Variants in SEZ6 observed in about 807,000 individuals in gnomAD.
The protein encoded by SEZ6 is seizure protein 6 homolog.
SEZ6 carries 53 observed loss-of-function variants against 101.0 expected under a neutral mutation model. That is an observed-to-expected ratio of 0.52 (90% CI 0.42 to 0.66). The LOEUF is 0.66. Ranked by LOEUF, SEZ6 falls within the 30% of genes least tolerant of loss-of-function variation. SEZ6 has a pLI of 0.00. For synonymous variants in SEZ6, 488 were observed against 512.2 expected (o/e 0.95, Z 0.64); for missense variants, 1,102 against 1,289.4 (o/e 0.85, Z 2.23).
chr17:28,959,588 A>C lies in SEZ6; in HGVS notation c.1771+110T>G, dbSNP rs1298318876. ...GACCCCCCACCTCCTCCTTGGAGGA[A>C]GCCTGAACCACGCATATCACAGGGC... On this transcript the variant is annotated intron_variant, in intron 8 of 16. Transcript: ENST00000317338. This position sits in a 1 kb window ranked among gnomAD's most constrained non-coding sequence, Gnocchi z 4.4. The C allele has an allele frequency of 5.8e-6, 9 of 1,540,188 alleles. No homozygotes were observed. Among genetic ancestry groups the C allele is most frequent in the Non-Finnish European group, 7.9e-6 (9 of 1,142,554 alleles).
intron 14 of SEZ6, 104 bp from the exon 15 acceptor site, chr17:28,956,571 G>A (rs981025065): frequency 1.4e-5 from 20 of 1,470,682 alleles, no homozygotes; most frequent in Non-Finnish European, 2.8e-6. Context: ...CCCTCTAGCT[G>A]GCTGGGTGTA....
chr17:28,955,546 A>G lies in SEZ6; in HGVS notation c.*416T>C. 2.2e-6 allele frequency: 1 copy of G among 446,328 alleles called. No homozygotes were observed. The highest frequency in any genetic ancestry group is 1.6e-5 in the South Asian group (1 of 61,890). 27.6% of individuals were successfully genotyped at this position (446,328 alleles called of 1,614,324 possible). A position where few individuals can be genotyped will look rare whatever the true frequency, so the allele number is the denominator to read the frequency against. On this transcript the variant is annotated 3_prime_UTR_variant, in exon 17 of 17. Transcript: ENST00000317338. ...GGCGCTGTGAGGAGTACCCTGGTGCAGTTCCCACCATGGTCAAGTTAATCC... is the reference window on the plus strand; with the variant it reads ...GGCGCTGTGAGGAGTACCCTGGTGCGGTTCCCACCATGGTCAAGTTAATCC...
chr17:28,973,720 G>A (rs1041434074), intron 3 of SEZ6, among the ~76,000 whole-genome samples: 11 of 152,224 alleles, frequency 7.2e-5, no homozygotes, highest in Non-Finnish European at 1.5e-4. Context: ...GCCAGACAGG[G>A]CTGGGTGTCG....
intron 10 of SEZ6, 33 bp from the exon 11 acceptor site, chr17:28,958,174 C>T (rs577479358): frequency 3.2e-5 from 50 of 1,559,876 alleles, no homozygotes; most frequent in Admixed American, 8.7e-5. Flanking sequence ...TGCAGGCCCT[C>T]GGCCAGCACC....
chr17:28,989,720 A>C (rs1486862964), intron 1 of SEZ6, among the ~76,000 whole-genome samples: 1 of 152,140 alleles, frequency 6.6e-6, no homozygotes, highest in Non-Finnish European at 1.5e-5. Flanking sequence ...GGAGAAATTT[A>C]GTTTATAGTT....
At chr17:28,969,441 C>G (rs1404617598) in intron 4 of SEZ6, among the ~76,000 whole-genome samples, 1 of 152,134 alleles carries the variant, frequency 6.6e-6, no homozygotes, top group African/African-American at 2.4e-5. Flanking sequence ...CCAGCACAAG[C>G]CTGGCAAAGA....
intron 11 of SEZ6, 23 bp downstream of exon 11, chr17:28,957,924 G>A (rs1222857510): frequency 6.3e-7 from 1 of 1,599,614 alleles, no homozygotes; most frequent in East Asian, 2.2e-5. Context: ...GGGAAGGGGA[G>A]CGTGGGGAAC....
intron 4 of SEZ6, among the ~76,000 whole-genome samples, chr17:28,969,543 T>C (rs2041119480): frequency 6.6e-6 from 1 of 152,180 alleles, no homozygotes; most frequent in Non-Finnish European, 1.5e-5. Context: ...ACCAGCTCTC[T>C]GCAGGGTGGT....
In SEZ6 at chr17:28,959,454, A is replaced by T; in HGVS notation, c.1790T>A (p.Ile597Asn). ...PACRAVCSGEITDSAGVVLSP... is the reference protein window; with the variant it reads ...PACRAVCSGENTDSAGVVLSP... ...GAGTACCACGCCAGCCGAGTCTGTG[A>T]TCTCCCCGCTGCACACGGCTGGAAG... Residue 597 changes from isoleucine (I) to asparagine (N), a missense_variant, in exon 9 of 17, where the codon ATC (isoleucine) becomes AAC (asparagine). Ile to Asn is a moderately radical substitution (Grantham distance 149). This residue lies in a region of SEZ6 where 556 missense variants were observed against 735.1 expected (regional missense o/e 0.76). Transcript: ENST00000317338. This position sits in a 1 kb window ranked among gnomAD's most constrained non-coding sequence, Gnocchi z 4.4. The T allele has an allele frequency of 6.2e-7, 1 of 1,613,490 alleles. No individual in the cohort carries two copies. Among genetic ancestry groups the T allele is most frequent in the Non-Finnish European group, 8.5e-7 (1 of 1,179,850 alleles).
intron 4 of SEZ6, among the ~76,000 whole-genome samples, chr17:28,964,392 C>G (rs1310440952): frequency 6.6e-6 from 1 of 152,158 alleles, no homozygotes; most frequent in Non-Finnish European, 1.5e-5. Context: ...CTGGCTCAAG[C>G]TTTATGACAC....
intron 3 of SEZ6, among the ~76,000 whole-genome samples, chr17:28,971,541 C>T (rs1235478458): frequency 6.6e-6 from 1 of 151,706 alleles, no homozygotes; most frequent in African/African-American, 2.4e-5. Context: ...TGCGGTGAGC[C>T]GAGATCGCGC....
chr17:29,002,991 G>T (rs531620426), intron 1 of SEZ6, among the ~76,000 whole-genome samples: 2 of 152,216 alleles, frequency 1.3e-5, no homozygotes, highest in South Asian at 2.1e-4. Context: ...GCTCAGAGAG[G>T]TGGAGCAGCA....
rs1447470542 is a variant in SEZ6 at position 28,955,840 on chromosome 17, A to G, written c.*122T>C. The G allele has an allele frequency of 1.2e-5, 14 of 1,122,906 alleles. No homozygotes were observed. Among genetic ancestry groups the G allele is most frequent in the Non-Finnish European group, 1.7e-5 (13 of 756,802 alleles). The allele number at this position is 1,122,906 out of a possible 1,614,324, so 69.6% of individuals were successfully genotyped here. A position where few individuals can be genotyped will look rare whatever the true frequency, so the allele number is the denominator to read the frequency against. ...CACAACTTCTTGAGGGCTTGGTGGC[A>G]TCTCCTCCTAGGTGGTATATACAGG... is the stretch of plus-strand genomic sequence containing the variant. On this transcript the variant is annotated 3_prime_UTR_variant, in exon 17 of 17. Coordinates refer to ENST00000317338, the MANE Select transcript of SEZ6 (RefSeq NM_178860.5).
At chr17:28,964,785 G>A (rs376948602) in intron 4 of SEZ6, among the ~76,000 whole-genome samples, 10 of 152,330 alleles carry the variant, frequency 6.6e-5, no homozygotes, top group African/African-American at 2.2e-4. Context: ...TGGCCGGGCC[G>A]GTGTCTCATG....
intron 3 of SEZ6, among the ~76,000 whole-genome samples, chr17:28,974,184 C>T (rs754185773): frequency 6.6e-6 from 1 of 152,172 alleles, no homozygotes; most frequent in Non-Finnish European, 1.5e-5. Flanking sequence ...CAGTACAACC[C>T]GGCATAGGCA....
At chr17:28,957,861 A>G in intron 11 of SEZ6, 86 bp downstream of exon 11, 1 of 1,438,040 alleles carries the variant, frequency 7.0e-7, no homozygotes, top group Non-Finnish European at 9.5e-7. Flanking sequence ...ATACTAGCTA[A>G]TAACAGCTAC....
At chr17:28,986,504 G>A (rs1352486962) in intron 1 of SEZ6, among the ~76,000 whole-genome samples, 1 of 152,212 alleles carries the variant, frequency 6.6e-6, no homozygotes, top group Admixed American at 6.5e-5. Context: ...AGGTGTTATG[G>A]CCTCTGTCTT....
chr17:28,960,055 A>T (rs2040951294), intron 7 of SEZ6, among the ~76,000 whole-genome samples, 163 bp from the exon 8 acceptor site: 1 of 152,162 alleles, frequency 6.6e-6, no homozygotes, highest in Non-Finnish European at 1.5e-5. Context: ...GGGACAGCCA[A>T]GAGCATCCAT....
At chr17:28,991,791 A>G (rs2041463844) in intron 1 of SEZ6, among the ~76,000 whole-genome samples, 1 of 152,066 alleles carries the variant, frequency 6.6e-6, no homozygotes, top group South Asian at 2.1e-4. Flanking sequence ...TTCCTCAGGG[A>G]GGATTCTTGT....
Sources: gnomAD v4.1 joint callset for allele counts (sites outside exome capture counted in the v4.1 genomes callset) on GRCh38, gnomAD v4.1.1 for gene constraint, gnomAD v4.1.1 regional missense constraint, Gnocchi (gnomAD v3.1) non-coding constraint, MANE v1.5 for transcripts, NCBI Gene and HGNC (gene_info 2026-07-23, HGNC 2026-07-21) for gene names.